The following TNIK variants were observed in gnomAD, a reference collection of about 807,000 sequenced individuals.
The protein encoded by TNIK is TRAF2 and NCK interacting kinase.
Under a neutral mutation model 191.3 loss-of-function variants are expected in TNIK, and 49 were observed. That is an observed-to-expected ratio of 0.26 (90% CI 0.20 to 0.32). The LOEUF (loss-of-function observed/expected upper bound fraction) is 0.32. Ranked by LOEUF, TNIK falls within the 10% of genes least tolerant of loss-of-function variation. The pLI is 1.00. For missense variants in TNIK, 1,155 were observed against 1,702.3 expected, an observed-to-expected ratio of 0.68 and a Z score of 5.66; for synonymous variants, 594 against 600.9, an observed-to-expected ratio of 0.99 and a Z score of 0.17.
intron 3 of TNIK, among the ~76,000 whole-genome samples, chr3:171,215,043 T>C (rs1013429817): frequency 2.0e-5 from 3 of 152,136 alleles, no homozygotes; most frequent in Admixed American, 6.5e-5. Context: ...TAGCCACATG[T>C]CTTGCTTTGG....
chr3:171,100,363 C>T (rs1307571784), intron 22 of TNIK, among the ~76,000 whole-genome samples: 7 of 152,068 alleles, frequency 4.6e-5, no homozygotes, highest in Admixed American at 1.3e-4. Flanking sequence ...TTTTCAGCTA[C>T]GTTAATTAGA....
At chr3:171,222,914 C>T (rs1396051392) in intron 3 of TNIK, among the ~76,000 whole-genome samples, 3 of 151,946 alleles carry the variant, frequency 2.0e-5, no homozygotes, top group African/African-American at 7.3e-5. Flanking sequence ...GGTCTCCCAC[C>T]CTTGGTTTAA....
At chr3:171,143,427 G>A (rs1166638427) in intron 12 of TNIK, among the ~76,000 whole-genome samples, 1 of 152,210 alleles carries the variant, frequency 6.6e-6, no homozygotes, top group Non-Finnish European at 1.5e-5. Flanking sequence ...GGCAAGGCCA[G>A]TGCTTGATTT....
intron 2 of TNIK, among the ~76,000 whole-genome samples, chr3:171,253,232 C>T (rs1201923022): frequency 3.4e-5 from 5 of 147,496 alleles, no homozygotes; most frequent in South Asian, 2.2e-4. Context: ...TGCAGTGAGC[C>T]GAGATCACAC....
rs78885830 is a variant in TNIK, at chr3:171,226,022, T to C, written c.180+2143A>G. Among the ~76,000 whole-genome samples, 1,030 of 152,300 alleles carry C rather than the reference T, an allele frequency of 6.8e-3. 7 individuals carry two copies. The highest frequency in any genetic ancestry group is 0.024 in the African/African-American group (994 of 41,570). ...TTCTGATTTGTTCTGTGGTTGGAGCTTTGTAAAATGTTTACACGTTTATAA... is the reference window on the plus strand; with the variant it reads ...TTCTGATTTGTTCTGTGGTTGGAGCCTTGTAAAATGTTTACACGTTTATAA... On this transcript the variant is annotated intron_variant, in intron 3 of 32. Transcript: ENST00000436636.
At chr3:171,420,836 G>A (rs1222935127) in intron 1 of TNIK, among the ~76,000 whole-genome samples, 1 of 152,160 alleles carries the variant, frequency 6.6e-6, no homozygotes, top group Non-Finnish European at 1.5e-5. Context: ...ACTAAAGGGA[G>A]GGCAGCATCT....
At chr3:171,212,360 T>G (rs1311240328) in intron 3 of TNIK, among the ~76,000 whole-genome samples, 1 of 151,668 alleles carries the variant, frequency 6.6e-6, no homozygotes, top group Non-Finnish European at 1.5e-5. Context: ...TCAGGCAATG[T>G]CAAGTCCCCC....
chr3:171,416,203 A>G (rs1279216428), intron 1 of TNIK, among the ~76,000 whole-genome samples: 1 of 152,016 alleles, frequency 6.6e-6, no homozygotes, highest in Non-Finnish European at 1.5e-5. Context: ...GGATTTTTGC[A>G]GATATGACAG....
intron 2 of TNIK, among the ~76,000 whole-genome samples, chr3:171,240,635 T>A (rs73171553): frequency 0.15 from 23,099 of 152,132 alleles, 1,922 homozygotes; most frequent in East Asian, 0.3. Flanking sequence ...GGACTTTACA[T>A]GTCTCTTCCT....
intron 2 of TNIK, among the ~76,000 whole-genome samples, chr3:171,309,895 C>A (rs1753837213): frequency 1.3e-5 from 2 of 152,220 alleles, no homozygotes; most frequent in East Asian, 3.9e-4. Flanking sequence ...ATTTTTGCTT[C>A]CTAGTTGTCC....
At chr3:171,448,447 T>C (rs1727775036) in intron 1 of TNIK, among the ~76,000 whole-genome samples, 1 of 152,202 alleles carries the variant, frequency 6.6e-6, no homozygotes, top group African/African-American at 2.4e-5. Flanking sequence ...AGCACTTCCT[T>C]TTATTGTAGA....
intron 29 of TNIK, 136 bp from the exon 30 acceptor site, chr3:171,069,133 G>T: frequency 3.6e-6 from 4 of 1,119,794 alleles, no homozygotes; most frequent in Middle Eastern, 2.1e-4. Flanking sequence ...TTCAGTTTTA[G>T]GTCTGTTGAT....
At chr3:171,207,333 AC>A (rs1197573880) in intron 4 of TNIK, among the ~76,000 whole-genome samples, 1 of 152,044 alleles carries the variant, frequency 6.6e-6, no homozygotes, top group East Asian at 1.9e-4. Flanking sequence ...ATCCTCACCA[AC>A]AATATACAAA....
chr3:171,076,175 T>G (rs1719905844), intron 28 of TNIK, among the ~76,000 whole-genome samples: 1 of 152,078 alleles, frequency 6.6e-6, no homozygotes, highest in African/African-American at 2.4e-5. Flanking sequence ...CATGTCCTTC[T>G]CAGGCACCAA....
intron 2 of TNIK, among the ~76,000 whole-genome samples, chr3:171,311,414 A>G (rs1754003863): frequency 6.6e-6 from 1 of 152,208 alleles, no homozygotes; most frequent in African/African-American, 2.4e-5. Flanking sequence ...AACTCCAAGT[A>G]TATTTCCATT....
chr3:171,425,363 T>C (rs77832465), intron 1 of TNIK, among the ~76,000 whole-genome samples: 1 of 152,248 alleles, frequency 6.6e-6, no homozygotes, highest in African/African-American at 2.4e-5. Context: ...TACAGAAAAG[T>C]ATACATAATT....
In TNIK at chr3:171,410,092, G is replaced by C. The variant is rs1722189839; in HGVS notation, c.58-40407C>G. Among the ~76,000 whole-genome samples the C allele has an allele frequency of 2.0e-5, 3 of 152,058 alleles. 1 individual carries two copies. The highest frequency in any genetic ancestry group is 2.0e-4 in the Admixed American group (3 of 15,266). ...TTTATACAGGGTTCTTTGGCCCTCT[G>C]CCAATCCTAAAAGAACTTTGATAAC... On this transcript the variant is annotated intron_variant, in intron 1 of 32. Transcript: ENST00000436636.
intron 23 of TNIK, among the ~76,000 whole-genome samples, chr3:171,088,441 G>T (rs1017293005): frequency 5.9e-5 from 9 of 152,266 alleles, no homozygotes; most frequent in African/African-American, 1.9e-4. Context: ...CACCATGTTG[G>T]TCAGGCTGGT....
chr3:171,423,308 A>C (rs966624684), intron 1 of TNIK, among the ~76,000 whole-genome samples: 1 of 152,134 alleles, frequency 6.6e-6, no homozygotes, highest in Non-Finnish European at 1.5e-5. Flanking sequence ...GAGAACTACA[A>C]ACCACTGCTC....
Sources: gnomAD v4.1 joint callset for allele counts (sites outside exome capture counted in the v4.1 genomes callset) on GRCh38, gnomAD v4.1.1 for gene constraint, MANE v1.5 for transcripts, NCBI Gene and HGNC (gene_info 2026-07-23, HGNC 2026-07-21) for gene names.